Variants in PPP6R3 observed in about 807,000 individuals in gnomAD.
PPP6R3 encodes serine/threonine-protein phosphatase 6 regulatory subunit 3.
Under a neutral mutation model 110.7 loss-of-function variants are expected in PPP6R3, and 38 were observed. The ratio of observed to expected loss-of-function variants is 0.34; its 90% CI spans 0.26 to 0.45. The LOEUF (loss-of-function observed/expected upper bound fraction) is 0.45, where lower values mean the gene tolerates loss of function less well. Ranked by LOEUF, PPP6R3 falls within the 20% of genes least tolerant of loss-of-function variation. The pLI is 1.00. For missense variants in PPP6R3, 870 were observed against 1,062.4 expected (o/e 0.82, Z 2.52); for synonymous variants, 369 against 373.5 (o/e 0.99, Z 0.14).
chr11:68,492,644 G>C (rs890523910), intron 1 of PPP6R3, among the ~76,000 whole-genome samples: 2 of 152,168 alleles, frequency 1.3e-5, no homozygotes, highest in African/African-American at 4.8e-5. Context: ...AAGTGGAATG[G>C]CTAGATCATA....
intron 1 of PPP6R3, among the ~76,000 whole-genome samples, chr11:68,478,649 T>TTTTTTG (rs2098862720): frequency 9.8e-6 from 1 of 102,014 alleles, no homozygotes; most frequent in African/African-American, 3.9e-5. Flanking sequence ...CTTGGTAAGT[T>TTTTTTG]TTTTTTTTTT....
chr11:68,613,660 T>C lies in PPP6R3; in HGVS notation c.*543T>C. On this transcript the variant is annotated 3_prime_UTR_variant, in exon 24 of 24. Transcript: ENST00000393800. Reference sequence around the variant, plus strand: ...AAAAGTGATTTTGAATAAGAAATATTTGGTGTTCTTTTTATAACCAGTTTT... The same window carrying C: ...AAAAGTGATTTTGAATAAGAAATATCTGGTGTTCTTTTTATAACCAGTTTT... 1 of 985,086 alleles carries C rather than the reference T, an allele frequency of 1.0e-6. No individual in the cohort carries two copies. The highest frequency in any genetic ancestry group is 1.1e-4 in the East Asian group (1 of 8,816). The allele number at this position is 985,086 out of a possible 1,614,324, so 61.0% of individuals were successfully genotyped here.
intron 12 of PPP6R3, 149 bp downstream of exon 12, chr11:68,571,253 T>A: frequency 8.7e-7 from 1 of 1,152,710 alleles, no homozygotes; most frequent in Non-Finnish European, 1.2e-6. Context: ...TATTTCATTG[T>A]AACAGTTGTT....
intron 1 of PPP6R3, among the ~76,000 whole-genome samples, chr11:68,484,629 C>T (rs1182643442): frequency 6.6e-6 from 1 of 151,338 alleles, no homozygotes; most frequent in African/African-American, 2.4e-5. Context: ...CTCTTGTTGC[C>T]CAGGGTGGAG....
At chr11:68,489,537 G>T in intron 1 of PPP6R3, among the ~76,000 whole-genome samples, 1 of 125,188 alleles carries the variant, frequency 8.0e-6, no homozygotes. Context: ...CTTTCACTTT[G>T]CAGATACTGT....
At chr11:68,574,058 A>G in intron 12 of PPP6R3, 51 bp from the exon 13 acceptor site, 1 of 1,320,062 alleles carries the variant, frequency 7.6e-7, no homozygotes. Flanking sequence ...CGAGTGTTTC[A>G]TCACTTCATC....
intron 8 of PPP6R3, among the ~76,000 whole-genome samples, chr11:68,559,850 C>T (rs899760625): frequency 6.9e-6 from 1 of 144,686 alleles, no homozygotes; most frequent in Non-Finnish European, 1.5e-5. Context: ...TGCCCTCTTC[C>T]CACCCCAGCG....
At position 68,573,153 on chromosome 11, in the gene PPP6R3, T is replaced by TAA. The variant is rs1555174153; in HGVS notation, c.1344-955_1344-954dup. Among the ~76,000 whole-genome samples, 87 of 103,600 alleles carry TAA rather than the reference T, an allele frequency of 8.4e-4. 1 individual carries two copies. Among genetic ancestry groups the TAA allele is most frequent in the African/African-American group, 3.2e-3 (84 of 26,110 alleles). 68.0% of individuals were successfully genotyped at this position (103,600 alleles called of 152,430 possible). On this transcript the variant is annotated intron_variant, in intron 12 of 23. Coordinates refer to ENST00000393800, the MANE Select transcript of PPP6R3 (RefSeq NM_001164161.2). ...ATATATATATATATATATATATATA[T>TAA]AATTTTTTTTTTTTTGAGACGGAGT...
chr11:68,479,664 T>A (rs1190774868), intron 1 of PPP6R3, among the ~76,000 whole-genome samples: 1 of 152,182 alleles, frequency 6.6e-6, no homozygotes, highest in Non-Finnish European at 1.5e-5. Flanking sequence ...TCTTTTTTTC[T>A]CCTTGTTCTT....
At chr11:68,606,524 C>G (rs1427039576) in intron 22 of PPP6R3, among the ~76,000 whole-genome samples, 2 of 150,708 alleles carry the variant, frequency 1.3e-5, no homozygotes, top group East Asian at 3.9e-4. Context: ...CCATGTTGCC[C>G]AGGCTGGTCT....
At chr11:68,484,836 C>T (rs1228135891) in intron 1 of PPP6R3, among the ~76,000 whole-genome samples, 1 of 152,092 alleles carries the variant, frequency 6.6e-6, no homozygotes, top group South Asian at 2.1e-4. Context: ...GTCCACCCAC[C>T]TCGGCCTCCC....
chr11:68,482,063 A>C (rs2098917314), intron 1 of PPP6R3, among the ~76,000 whole-genome samples: 1 of 151,846 alleles, frequency 6.6e-6, no homozygotes, highest in Non-Finnish European at 1.5e-5. Flanking sequence ...CAGTTTCTTC[A>C]CATGTAAAAT....
intron 1 of PPP6R3, among the ~76,000 whole-genome samples, chr11:68,508,919 C>T (rs2099093343): frequency 6.6e-6 from 1 of 152,144 alleles, no homozygotes; most frequent in South Asian, 2.1e-4. Context: ...TAAAAGTATA[C>T]TATTTTCTTT....
At chr11:68,498,902 G>A (rs1215298558) in intron 1 of PPP6R3, among the ~76,000 whole-genome samples, 1 of 152,156 alleles carries the variant, frequency 6.6e-6, no homozygotes, top group Non-Finnish European at 1.5e-5. Flanking sequence ...TAAAGCTATT[G>A]TACCAAATTA....
chr11:68,506,186 C>T (rs990600185), intron 1 of PPP6R3, among the ~76,000 whole-genome samples: 3 of 149,564 alleles, frequency 2.0e-5, no homozygotes, highest in African/African-American at 4.9e-5. Flanking sequence ...CACCCTTAGG[C>T]TTGAGTTCTC....
At position 68,551,201 on chromosome 11, in the gene PPP6R3, G is replaced by A; in HGVS notation, c.618+15G>A. Reference sequence around the variant, plus strand: ...AAGAAGAAGATGTAAGTTCACTTGTGTGACTGTAAACTTGATTAGAAAAAA... The same window carrying A: ...AAGAAGAAGATGTAAGTTCACTTGTATGACTGTAAACTTGATTAGAAAAAA... On this transcript the variant is annotated intron_variant, in intron 6 of 23. Coordinates refer to ENST00000393800, the MANE Select transcript of PPP6R3 (RefSeq NM_001164161.2). 6.3e-7 allele frequency: 1 copy of A among 1,588,644 alleles called. No individual in the cohort carries two copies. The highest frequency in any genetic ancestry group is 1.1e-5 in the South Asian group (1 of 88,566).
intron 2 of PPP6R3, among the ~76,000 whole-genome samples, chr11:68,527,900 G>T (rs527788315): frequency 6.6e-6 from 1 of 152,168 alleles, no homozygotes; most frequent in African/African-American, 2.4e-5. Flanking sequence ...GGGAGGCGTC[G>T]CCTGGCCTGG....
In PPP6R3 at chr11:68,574,157, A is replaced by G. The variant is rs199623571; in HGVS notation, c.1392A>G (p.Ile464Met). The G allele has an allele frequency of 3.1e-6, 5 of 1,614,114 alleles. No individual in the cohort carries two copies. In the East Asian group the frequency reaches 6.7e-5, roughly 22 times the overall value. Residue 464 changes from isoleucine (I) to methionine (M), a missense_variant, in exon 13 of 24, where the codon ATA becomes ATG. Physicochemically the swap from Ile to Met is conservative, Grantham distance 10 (BLOSUM62 1). Coordinates refer to ENST00000393800, the MANE Select transcript of PPP6R3 (RefSeq NM_001164161.2). ...GTTACATGGGACACCTAACGAGGATAGCTAACTGTATCGTGCACAGCACTG... is the reference window on the plus strand; with the variant it reads ...GTTACATGGGACACCTAACGAGGATGGCTAACTGTATCGTGCACAGCACTG... ...RHGYMGHLTRIANCIVHSTDK... is the reference protein window; with the variant it reads ...RHGYMGHLTRMANCIVHSTDK...
chr11:68,542,393 T>TTTTTTTTTTTG (rs2099322949), intron 3 of PPP6R3, among the ~76,000 whole-genome samples: 1 of 99,526 alleles, frequency 1.0e-5, no homozygotes, highest in African/African-American at 4.0e-5. Context: ...GCTGCTGTTT[T>TTTTTTTTTTTG]TTTTTTTTTT....
Sources: gnomAD v4.1 joint callset for allele counts (sites outside exome capture counted in the v4.1 genomes callset) on GRCh38, gnomAD v4.1.1 for gene constraint, MANE v1.5 for transcripts, NCBI Gene and HGNC (gene_info 2026-07-23, HGNC 2026-07-21) for gene names.